ADPGK: variants seen among roughly 807,000 people sequenced by gnomAD.
ADPGK encodes the protein ADP-dependent glucokinase.
ADPGK carries 26 observed loss-of-function variants against 42.4 expected under a neutral mutation model. The ratio of observed to expected loss-of-function variants is 0.61; its 90% CI spans 0.45 to 0.85. ADPGK has a LOEUF of 0.85. ADPGK is among the 40% of genes least tolerant of loss of function. ADPGK has a pLI of 0.00. For missense variants in ADPGK, 571 were observed against 627.0 expected (o/e 0.91, Z 0.95); for synonymous variants, 267 against 252.6 (o/e 1.06, Z -0.54).
chr15:72,768,178 T>C (rs1262748143), intron 3 of ADPGK, among the ~76,000 whole-genome samples: 1 of 151,146 alleles, frequency 6.6e-6, no homozygotes, highest in East Asian at 1.9e-4. Flanking sequence ...ATGAAACAAA[T>C]TCCTTGAAAG....
intron 1 of ADPGK, chr15:72,783,108 G>T: frequency 3.1e-6 from 2 of 636,870 alleles, no homozygotes; most frequent in Non-Finnish European, 4.1e-6. Flanking sequence ...TTGTCATAGT[G>T]GGTAAGGTCA....
intron 3 of ADPGK, among the ~76,000 whole-genome samples, chr15:72,765,202 T>C (rs1235850256): frequency 6.6e-6 from 1 of 152,152 alleles, no homozygotes; most frequent in East Asian, 1.9e-4. Context: ...TGGAGTATAG[T>C]GAGTGGCACG....
At chr15:72,776,973 T>C (rs991798191) in intron 1 of ADPGK, among the ~76,000 whole-genome samples, 3 of 152,214 alleles carry the variant, frequency 2.0e-5, no homozygotes, top group Non-Finnish European at 4.4e-5. Context: ...GGATGATTTC[T>C]AGTAAAGAAA....
At chr15:72,758,252 G>A in intron 4 of ADPGK, 1 of 822,368 alleles carries the variant, frequency 1.2e-6, no homozygotes, top group Non-Finnish European at 2.1e-6. Flanking sequence ...TGTAATGGTA[G>A]TTAGCGCCCC....
chr15:72,768,826 G>C (rs2066292169), intron 3 of ADPGK, among the ~76,000 whole-genome samples: 1 of 151,798 alleles, frequency 6.6e-6, no homozygotes, highest in Non-Finnish European at 1.5e-5. Flanking sequence ...AAAATAATTA[G>C]CTGGCTGTGG....
chr15:72,768,489 A>T (rs2066286525), intron 3 of ADPGK, among the ~76,000 whole-genome samples: 1 of 152,144 alleles, frequency 6.6e-6, no homozygotes, highest in Admixed American at 6.5e-5. Flanking sequence ...CAACACAGTG[A>T]AACTCCCTCT....
rs1481583367 is a variant in ADPGK at position 72,751,783 on chromosome 15, C to T, written c.*558G>A. On this transcript the variant is annotated 3_prime_UTR_variant, in exon 7 of 7. Transcript: ENST00000456471. Reference sequence around the variant, plus strand: ...GAGTCCCTCAGAGGCTCCCCAGCCCCTGCTGCCATCATAAAGCACGGGAGG... The same window carrying T: ...GAGTCCCTCAGAGGCTCCCCAGCCCTTGCTGCCATCATAAAGCACGGGAGG... 6.5e-6 allele frequency: 1 copy of T among 153,752 alleles called. No individual in the cohort carries two copies. The highest frequency in any genetic ancestry group is 1.4e-5 in the Non-Finnish European group (1 of 69,124). The allele number at this position is 153,752 out of a possible 1,614,324, so 9.5% of individuals were successfully genotyped here.
intron 5 of ADPGK, 31 bp downstream of exon 5, chr15:72,756,220 G>A: frequency 6.2e-7 from 1 of 1,611,606 alleles, no homozygotes; most frequent in Non-Finnish European, 8.5e-7. Context: ...CACCAGCTGA[G>A]ATCTGTGAAA....
At chr15:72,760,004 AAG>A (rs1447432353) in intron 4 of ADPGK, among the ~76,000 whole-genome samples, 2 of 152,228 alleles carry the variant, frequency 1.3e-5, no homozygotes. Context: ...AGCAGCTTGG[AAG>A]AGTCAGTCAG....
chr15:72,779,360 T>C (rs1288640387), intron 1 of ADPGK, among the ~76,000 whole-genome samples: 2 of 148,860 alleles, frequency 1.3e-5, no homozygotes, highest in Non-Finnish European at 3.0e-5. Context: ...GCGATTCTCC[T>C]GCCTCAGCCT....
At chr15:72,781,419 G>C (rs1319416184) in intron 1 of ADPGK, among the ~76,000 whole-genome samples, 1 of 152,136 alleles carries the variant, frequency 6.6e-6, no homozygotes, top group Admixed American at 6.5e-5. Flanking sequence ...AACAAACCAT[G>C]TACTTTTTCA....
Position 72,752,554 on chromosome 15 carries a change from C to G in ADPGK, c.1281G>C (p.Leu427=). 6.2e-7 allele frequency: 1 copy of G among 1,614,194 alleles called. No individual in the cohort carries two copies. The highest frequency in any genetic ancestry group is 8.5e-7 in the Non-Finnish European group (1 of 1,180,044). ...TETIDTSRVS[L]RAPQEFMTSH... ...AAGTCATGAACTCTTGGGGTGCCCT[C>G]AGAGACACTCGGCTGGTGTCTATGG... The change falls in exon 7 of 7, where the codon CTG becomes CTC. Residue 427 remains leucine, a synonymous_variant. Coordinates refer to ENST00000456471, the MANE Select transcript of ADPGK (RefSeq NM_001365225.1).
intron 3 of ADPGK, among the ~76,000 whole-genome samples, chr15:72,762,935 A>G (rs988800937): frequency 1.3e-5 from 2 of 152,144 alleles, no homozygotes; most frequent in South Asian, 4.1e-4. Context: ...AGATCATGCC[A>G]CTGCACTCTG....
At chr15:72,772,957 G>A (rs979972368) in intron 2 of ADPGK, among the ~76,000 whole-genome samples, 2 of 152,102 alleles carry the variant, frequency 1.3e-5, no homozygotes, top group African/African-American at 2.4e-5. Flanking sequence ...GTGTTACCTG[G>A]GTGGAATGCT....
At chr15:72,770,621 G>C (rs1010267819) in intron 3 of ADPGK, among the ~76,000 whole-genome samples, 1 of 152,054 alleles carries the variant, frequency 6.6e-6, no homozygotes, top group Non-Finnish European at 1.5e-5. Context: ...CTCTATTTGG[G>C]AGTTAATTAC....
chr15:72,771,715 A>C, intron 3 of ADPGK, 68 bp downstream of exon 3: 1 of 1,435,132 alleles, frequency 7.0e-7, no homozygotes, highest in Non-Finnish European at 9.7e-7. Flanking sequence ...ATAGATACTC[A>C]TTCTTGCTCC....
chr15:72,769,134 G>C (rs1215915233), intron 3 of ADPGK, among the ~76,000 whole-genome samples: 5 of 152,160 alleles, frequency 3.3e-5, no homozygotes. Flanking sequence ...CACAATTTTA[G>C]TAAACTGAAT....
intron 1 of ADPGK, among the ~76,000 whole-genome samples, chr15:72,781,826 C>T (rs143159679): frequency 3.3e-4 from 50 of 152,304 alleles, no homozygotes; most frequent in Admixed American, 1.6e-3. Context: ...TATATTTGGA[C>T]GTAGGGCCTT....
At chr15:72,760,319 A>T in intron 4 of ADPGK, 88 bp downstream of exon 4, 1 of 1,416,046 alleles carries the variant, frequency 7.1e-7, no homozygotes, top group Non-Finnish European at 9.4e-7. Flanking sequence ...TAATTTACAA[A>T]GATAAATTTC....
Sources: allele counts gnomAD v4.1 joint callset (sites outside exome capture counted in the v4.1 genomes callset), GRCh38; gene constraint gnomAD v4.1.1; transcripts MANE v1.5; gene names NCBI Gene and HGNC (gene_info 2026-07-23, HGNC 2026-07-21).